Variants in RABGAP1L observed in about 807,000 individuals in gnomAD.
RABGAP1L encodes the protein rab GTPase-activating protein 1-like.
A neutral mutation model predicts 137.7 loss-of-function variants in RABGAP1L; 63 were observed. The ratio of observed to expected loss-of-function variants is 0.46; its 90% CI spans 0.37 to 0.56. The LOEUF (loss-of-function observed/expected upper bound fraction) is 0.56. Among genes scored for constraint, RABGAP1L ranks in the 20% least tolerant of loss-of-function variants. The pLI, the probability that RABGAP1L is intolerant of heterozygous loss-of-function variation, is 0.00. For missense variants in RABGAP1L, 1,095 were observed against 1,244.0 expected (o/e 0.88, Z 1.80); for synonymous variants, 431 against 433.7 (o/e 0.99, Z 0.08).
chr1:174,364,942 A>G (rs747506238), intron 11 of RABGAP1L, among the ~76,000 whole-genome samples: 4 of 152,046 alleles, frequency 2.6e-5, no homozygotes, highest in Non-Finnish European at 5.9e-5. Flanking sequence ...GGGGCCTGGA[A>G]TTGAGGCCTC....
chr1:174,425,377 CAGAT>C lies in RABGAP1L; in HGVS notation c.1710+31235_1710+31238del, dbSNP rs146503917. Among the ~76,000 whole-genome samples, 776 of 152,086 alleles carry C rather than the reference CAGAT, an allele frequency of 5.1e-3. 5 individuals are homozygous for C. The highest frequency in any genetic ancestry group is 7.6e-3 in the Non-Finnish European group (519 of 67,862). On this transcript the variant is annotated intron_variant, in intron 13 of 25. Coordinates refer to ENST00000681986, the MANE Select transcript of RABGAP1L (RefSeq NM_001366446.1). ...AAGCATGTCACTTTAAAAAATAAGA[CAGAT>C]AGCCATTTAGGACTGGGAGAAGCTG...
Position 174,200,461 on chromosome 1 carries a change from G to T in RABGAP1L, c.-33-18664G>T, listed in dbSNP as rs565882216. 5.9e-5 allele frequency among the ~76,000 whole-genome samples: 9 copies of T among 152,302 alleles called. No individual in the cohort carries two copies. In the East Asian group the frequency reaches 1.5e-3, roughly 26 times the overall value. On this transcript the variant is annotated intron_variant, in intron 1 of 25. Transcript: ENST00000681986. ...AAATCTGTATATGAGGTAGAGGGAT[G>T]GCTCCTAGAAAACATGTATATACAG...
intron 15 of RABGAP1L, among the ~76,000 whole-genome samples, chr1:174,684,937 C>T (rs1454408874): frequency 1.3e-5 from 2 of 152,206 alleles, no homozygotes; most frequent in Admixed American, 6.5e-5. Flanking sequence ...GCCTTGATTG[C>T]ACCACTGCAG....
At chr1:174,159,684 C>T (rs1197366978) in intron 1 of RABGAP1L, 27 bp downstream of exon 1, 2 of 152,398 alleles carry the variant, frequency 1.3e-5, no homozygotes, top group Non-Finnish European at 2.9e-5. Flanking sequence ...CTCCTAGGGA[C>T]ACGAGGGCGG....
chr1:174,357,420 C>CT (rs1476482623), intron 11 of RABGAP1L, among the ~76,000 whole-genome samples: 1 of 152,094 alleles, frequency 6.6e-6, no homozygotes, highest in East Asian at 1.9e-4. Flanking sequence ...TAAAAAAATT[C>CT]TTTTATTTAT....
At chr1:174,168,595 A>C (rs1033770065) in intron 1 of RABGAP1L, among the ~76,000 whole-genome samples, 1 of 152,300 alleles carries the variant, frequency 6.6e-6, no homozygotes, top group East Asian at 1.9e-4. Flanking sequence ...ACCAAGTTGC[A>C]TGATCAAGTT....
intron 13 of RABGAP1L, among the ~76,000 whole-genome samples, chr1:174,618,054 G>T (rs1361165734): frequency 2.6e-5 from 4 of 152,178 alleles, no homozygotes; most frequent in Non-Finnish European, 5.9e-5. Context: ...GCTAGCACAG[G>T]AGTCTCAGAT....
At chr1:174,707,353 T>C (rs1000404116) in intron 17 of RABGAP1L, among the ~76,000 whole-genome samples, 2 of 152,180 alleles carry the variant, frequency 1.3e-5, no homozygotes, top group South Asian at 4.1e-4. Flanking sequence ...TGAAGTTGCA[T>C]ACAGGCAGAT....
At chr1:174,645,889 T>C (rs1245173573) in intron 14 of RABGAP1L, among the ~76,000 whole-genome samples, 1 of 152,170 alleles carries the variant, frequency 6.6e-6, no homozygotes, top group Non-Finnish European at 1.5e-5. Flanking sequence ...GACTTTTTAA[T>C]GATCGCCATT....
chr1:174,696,548 A>G (rs1679273651), intron 15 of RABGAP1L, among the ~76,000 whole-genome samples: 1 of 152,130 alleles, frequency 6.6e-6, no homozygotes, highest in African/African-American at 2.4e-5. Context: ...ACACCAGGGC[A>G]CTTTAGTCTA....
chr1:174,757,436 T>C (rs1331450768), intron 18 of RABGAP1L, among the ~76,000 whole-genome samples: 1 of 151,684 alleles, frequency 6.6e-6, no homozygotes, highest in Non-Finnish European at 1.5e-5. Flanking sequence ...CTGCTAGCAA[T>C]GTGAGAGTAC....
At chr1:174,793,738 C>A (rs1054839850) in intron 18 of RABGAP1L, among the ~76,000 whole-genome samples, 1 of 151,982 alleles carries the variant, frequency 6.6e-6, no homozygotes, top group Non-Finnish European at 1.5e-5. Context: ...CTGTGTCACC[C>A]AGGCTGGAGT....
chr1:174,310,199 T>C (rs1410648238), intron 11 of RABGAP1L, among the ~76,000 whole-genome samples: 1 of 152,164 alleles, frequency 6.6e-6, no homozygotes, highest in Admixed American at 6.5e-5. Context: ...GTTGTATCAG[T>C]TGAAATGTCT....
At chr1:174,515,765 G>A (rs1404881332) in intron 13 of RABGAP1L, among the ~76,000 whole-genome samples, 4 of 152,134 alleles carry the variant, frequency 2.6e-5, no homozygotes, top group Non-Finnish European at 1.5e-5. Context: ...ATAGTTGGTA[G>A]ATAAGGGTTA....
At chr1:174,614,786 CT>C (rs1374472323) in intron 13 of RABGAP1L, among the ~76,000 whole-genome samples, 4 of 152,114 alleles carry the variant, frequency 2.6e-5, no homozygotes, top group African/African-American at 9.7e-5. Flanking sequence ...TCTTTTTATT[CT>C]TTTTTCTCTA....
chr1:174,281,059 C>T (rs1675485419), intron 10 of RABGAP1L, among the ~76,000 whole-genome samples: 2 of 152,104 alleles, frequency 1.3e-5, no homozygotes, highest in African/African-American at 4.8e-5. Flanking sequence ...TTGCTGGCTT[C>T]AGGAGTGAAG....
At chr1:174,942,445 A>G (rs1475529606) in intron 19 of RABGAP1L, among the ~76,000 whole-genome samples, 1 of 152,212 alleles carries the variant, frequency 6.6e-6, no homozygotes, top group African/African-American at 2.4e-5. Flanking sequence ...AAAATAAAAC[A>G]TTTAATGTTA....
chr1:174,658,274 A>G (rs1333241734), intron 14 of RABGAP1L, among the ~76,000 whole-genome samples: 1 of 152,052 alleles, frequency 6.6e-6, no homozygotes, highest in Non-Finnish European at 1.5e-5. Context: ...ATTGTGGAGG[A>G]GCTAATTTTT....
At chr1:174,530,490 C>G (rs1374072731) in intron 13 of RABGAP1L, among the ~76,000 whole-genome samples, 1 of 152,134 alleles carries the variant, frequency 6.6e-6, no homozygotes, top group Non-Finnish European at 1.5e-5. Context: ...GTTTCAGAGC[C>G]TGTAAGGACT....
Sources: allele counts gnomAD v4.1 joint callset (sites outside exome capture counted in the v4.1 genomes callset), GRCh38; gene constraint gnomAD v4.1.1; transcripts MANE v1.5; gene names NCBI Gene and HGNC (gene_info 2026-07-23, HGNC 2026-07-21).